ADAM28: variants seen among roughly 807,000 people sequenced by gnomAD.
ADAM28 encodes the protein ADAM metallopeptidase domain 28.
In ADAM28, 105 loss-of-function variants were observed where a neutral mutation model predicts 101.2. The observed-to-expected ratio is 1.04, with a 90% CI of 0.89 to 1.22. The LOEUF (loss-of-function observed/expected upper bound fraction) is 1.22, where lower values mean the gene tolerates loss of function less well. Ranked by LOEUF, ADAM28 falls within the 50% of genes most tolerant of loss-of-function variation. ADAM28 has a pLI of 0.00. For synonymous variants in ADAM28, 322 were observed against 310.6 expected, an observed-to-expected ratio of 1.04 and a Z score of -0.39; for missense variants, 1,028 against 945.4, an observed-to-expected ratio of 1.09 and a Z score of -1.15.
chr8:24,351,191 A>T (rs1816077994), intron 19 of ADAM28, 41 bp from the exon 20 acceptor site: 1 of 1,435,232 alleles, frequency 7.0e-7, no homozygotes, highest in South Asian at 1.4e-5. Flanking sequence ...ATGCTGAAGG[A>T]GCTGCTAAGT....
intron 5 of ADAM28, 76 bp downstream of exon 5, chr8:24,311,513 C>G (rs1415744027): frequency 5.2e-6 from 6 of 1,149,316 alleles, no homozygotes; most frequent in Non-Finnish European, 6.2e-6. Context: ...CAGATGAATC[C>G]CAAATATCAT....
At chr8:24,335,370 T>C (rs1209066781) in intron 13 of ADAM28, 76 bp from the exon 14 acceptor site, 1 of 1,456,716 alleles carries the variant, frequency 6.9e-7, no homozygotes, top group Non-Finnish European at 9.1e-7. Context: ...AAATGGAAAA[T>C]ATTTGTGTTA....
intron 4 of ADAM28, 106 bp from the exon 5 acceptor site, chr8:24,311,255 A>G: frequency 1.3e-6 from 1 of 744,140 alleles, no homozygotes; most frequent in Non-Finnish European, 2.2e-6. Context: ...ACAGCAGAAT[A>G]TTGTTTGAAA....
intron 8 of ADAM28, among the ~76,000 whole-genome samples, chr8:24,322,081 G>A (rs1368826709): frequency 6.6e-6 from 1 of 151,882 alleles, no homozygotes; most frequent in Non-Finnish European, 1.5e-5. Context: ...ACATAGTGAA[G>A]TGATTACCAC....
intron 5 of ADAM28, 94 bp downstream of exon 5, chr8:24,311,531 TA>T: frequency 1.0e-6 from 1 of 954,614 alleles, no homozygotes; most frequent in Non-Finnish European, 1.5e-6. Context: ...CATTAATTTT[TA>T]TATAGTTGAA....
intron 20 of ADAM28, chr8:24,351,552 T>C: frequency 1.8e-6 from 1 of 562,314 alleles, no homozygotes; most frequent in South Asian, 1.9e-5. Flanking sequence ...CGGATGTCTG[T>C]CTGTCTCTCT....
rs1048943104 is a variant in ADAM28 at position 24,339,549 on chromosome 8, C to T, written c.1651C>T (p.Leu551Phe). 3.7e-6 allele frequency: 6 copies of T among 1,612,130 alleles called. No homozygotes were observed. The highest frequency in any genetic ancestry group is 5.1e-6 in the Non-Finnish European group (6 of 1,179,102). The change falls in exon 15 of 23, where the codon CTC becomes TTC. Residue 551 changes from leucine (L) to phenylalanine (F), a missense_variant. By Grantham distance (22) the Leu-to-Phe change is conservative. Coordinates refer to ENST00000265769, the MANE Select transcript of ADAM28 (RefSeq NM_014265.6). The stretch of plus-strand genomic sequence containing the variant: ...GTACTGTCGCAGAGTGGATGACACA[C>T]TCATTCCCTGCAAAGCAAAGTAAGT... ...YGYCRRVDDT[L>F]IPCKANDTMC...
rs781498019 is a variant in ADAM28 at position 24,336,188 on chromosome 8, T to C, written c.1567+547T>C. The C allele has an allele frequency of 6.1e-6, 6 of 982,118 alleles. No individual in the cohort carries two copies. In the African/African-American group the frequency reaches 7.0e-5, roughly 11 times the overall value. The allele number at this position is 982,118 out of a possible 1,614,324, so 60.8% of individuals were successfully genotyped here. A position where few individuals can be genotyped will look rare whatever the true frequency, so the allele number is the denominator to read the frequency against. On this transcript the variant is annotated intron_variant, in intron 14 of 22. Coordinates refer to ENST00000265769, the MANE Select transcript of ADAM28 (RefSeq NM_014265.6). ...TCTTAAATGGTCGCTTTGTCCATAA[T>C]GCCAAAATTTTAGAGACCATATTCT...
chr8:24,350,880 T>TGGG (rs1186066602), intron 19 of ADAM28, among the ~76,000 whole-genome samples: 3 of 150,126 alleles, frequency 2.0e-5, no homozygotes, highest in African/African-American at 4.9e-5. Context: ...TTTTTTTTTT[T>TGGG]TTTTTTTTTT....
rs1811717199 is a variant in ADAM28 at position 24,320,419 on chromosome 8, C to A, written c.648+112C>A. On this transcript the variant is annotated intron_variant, in intron 7 of 22. Transcript: ENST00000265769. The stretch of plus-strand genomic sequence containing the variant: ...AGATTTAAAGAATCATGAATATGAG[C>A]TATGGTTACATGTTCTTCTAAAACT... 7 of 747,046 alleles carry A rather than the reference C, an allele frequency of 9.4e-6. No individual in the cohort carries two copies. In the Admixed American group the frequency reaches 1.9e-4, roughly 20 times the overall value. The allele number at this position is 747,046 out of a possible 1,614,324, so 46.3% of individuals were successfully genotyped here.
Position 24,344,453 on chromosome 8 carries a change from A to G in ADAM28, c.1990+869A>G, listed in dbSNP as rs144109209. Among the ~76,000 whole-genome samples the G allele has an allele frequency of 3.0e-3, 451 of 152,272 alleles. 3 individuals are homozygous for G. Among genetic ancestry groups the G allele is most frequent in the Middle Eastern group, 0.027 (8 of 294 alleles). Reference sequence around the variant, plus strand: ...GATTTTGATCTCAGGTGATGAGCCAATCTTGTTCTATATACACAGGAGATG... The same window carrying G: ...GATTTTGATCTCAGGTGATGAGCCAGTCTTGTTCTATATACACAGGAGATG... On this transcript the variant is annotated intron_variant, in intron 18 of 22. Coordinates refer to ENST00000265769, the MANE Select transcript of ADAM28 (RefSeq NM_014265.6).
intron 21 of ADAM28, among the ~76,000 whole-genome samples, chr8:24,352,491 C>G (rs987331923): frequency 1.3e-5 from 2 of 152,162 alleles, no homozygotes; most frequent in African/African-American, 4.8e-5. Context: ...GAGAGCATCT[C>G]TCTTGTGCTT....
chr8:24,306,592 C>T (rs1283845901), intron 2 of ADAM28, among the ~76,000 whole-genome samples: 1 of 151,398 alleles, frequency 6.6e-6, no homozygotes, highest in Non-Finnish European at 1.5e-5. Flanking sequence ...TATAGGATGC[C>T]CAGTTAAATT....
intron 17 of ADAM28, 46 bp downstream of exon 17, chr8:24,343,227 C>A (rs1481805863): frequency 6.3e-7 from 1 of 1,585,316 alleles, no homozygotes; most frequent in Non-Finnish European, 8.7e-7. Context: ...AATCTTATGA[C>A]ATTCTAGGTC....
At chr8:24,351,471 A>T in intron 20 of ADAM28, 161 bp downstream of exon 20, 2 of 763,968 alleles carry the variant, frequency 2.6e-6, no homozygotes, top group Non-Finnish European at 4.6e-6. Context: ...AAGAGTCCCT[A>T]AAATGCCGAG....
At position 24,309,366 on chromosome 8, in the gene ADAM28, G is replaced by A. The variant is rs139950411; in HGVS notation, c.151-528G>A. The stretch of plus-strand genomic sequence containing the variant: ...TGAGATGTGATAGAAGTTTTTAGGC[G>A]TCTGTGTACACTATTCCTTCTAATC... On this transcript the variant is annotated intron_variant, in intron 2 of 22. Coordinates refer to ENST00000265769, the MANE Select transcript of ADAM28 (RefSeq NM_014265.6). Among the ~76,000 whole-genome samples the A allele has an allele frequency of 1.3e-3, 201 of 152,160 alleles. 1 individual carries two copies. Among genetic ancestry groups the A allele is most frequent in the African/African-American group, 4.6e-3 (189 of 41,512 alleles).
In ADAM28 at chr8:24,326,563, A is replaced by T. The variant is rs751655103; in HGVS notation, c.900A>T (p.Glu300Asp). Residue 300 changes from glutamate to aspartate, a missense_variant, in exon 10 of 23, where the codon GAA (glutamate) becomes GAT (aspartate). By Grantham distance (45) the Glu-to-Asp change is conservative. Transcript: ENST00000265769. The part of the protein sequence containing the change: ...HDIAQLITAT[E>D]LAGTTVGLAF... Reference sequence around the variant, plus strand: ...TATTCCTTTCTTGCAGAGCAACAGAACTTGCTGGAACGACTGTGGGTCTTG... The same window carrying T: ...TATTCCTTTCTTGCAGAGCAACAGATCTTGCTGGAACGACTGTGGGTCTTG... 1.4e-5 allele frequency: 22 copies of T among 1,611,712 alleles called. 1 individual carries two copies. The highest frequency in any genetic ancestry group is 6.7e-5 in the Admixed American group (4 of 59,852).
intron 14 of ADAM28, among the ~76,000 whole-genome samples, chr8:24,336,956 G>A (rs79467047): frequency 0.086 from 13,059 of 152,122 alleles, 747 homozygotes; most frequent in Non-Finnish European, 0.12. Flanking sequence ...ATTTGAAAGG[G>A]GTCATTGCGT....
intron 15 of ADAM28, 166 bp from the exon 16 acceptor site, chr8:24,341,432 A>G: frequency 5.9e-6 from 4 of 676,812 alleles, no homozygotes; most frequent in Non-Finnish European, 1.0e-5. Context: ...ATATTGTGCT[A>G]ACGTTCAGGC....
Sources: gnomAD v4.1 joint callset for allele counts (sites outside exome capture counted in the v4.1 genomes callset) on GRCh38, gnomAD v4.1.1 for gene constraint, MANE v1.5 for transcripts, NCBI Gene and HGNC (gene_info 2026-07-23, HGNC 2026-07-21) for gene names.